Variants in SLC1A1 observed in about 807,000 individuals in gnomAD.
SLC1A1 encodes solute carrier family 1 member 1.
A neutral mutation model predicts 53.3 loss-of-function variants in SLC1A1; 43 were observed. That is an observed-to-expected ratio of 0.81 (90% CI 0.63 to 1.04). The LOEUF (loss-of-function observed/expected upper bound fraction) is 1.04. SLC1A1 is among the 50% of genes least tolerant of loss of function. The pLI, the probability that SLC1A1 is intolerant of heterozygous loss-of-function variation, is 0.00. For missense variants in SLC1A1, 748 were observed against 664.9 expected, an observed-to-expected ratio of 1.12 and a Z score of -1.37; for synonymous variants, 307 against 243.2, an observed-to-expected ratio of 1.26 and a Z score of -2.44.
intron 10 of SLC1A1, among the ~76,000 whole-genome samples, chr9:4,579,387 C>G (rs901911942): frequency 6.6e-6 from 1 of 152,190 alleles, no homozygotes; most frequent in African/African-American, 2.4e-5. Flanking sequence ...AACTGATTTC[C>G]AAGGAGTGGT....
intron 1 of SLC1A1, among the ~76,000 whole-genome samples, chr9:4,506,803 G>A (rs1488276054): frequency 2.0e-5 from 3 of 152,144 alleles, no homozygotes; most frequent in Non-Finnish European, 2.9e-5. Flanking sequence ...CACAGTGTGT[G>A]GAGTATGCAG....
intron 1 of SLC1A1, 145 bp downstream of exon 1, chr9:4,490,915 C>A (rs1322098568): frequency 3.0e-6 from 2 of 664,030 alleles, no homozygotes; most frequent in South Asian, 1.9e-5. Context: ...GGGCCCCCTG[C>A]GGGGGCTTTC....
In SLC1A1 at chr9:4,585,399, G is replaced by C; in HGVS notation, c.1416G>C (p.Gln472His). The change falls in exon 12 of 12, where the codon CAG becomes CAC. Residue 472 changes from glutamine (Q) to histidine (H), a missense_variant. Gln to His is a conservative substitution (Grantham distance 24). Transcript: ENST00000262352. ...VEKLSKKELE[Q>H]MDVSSEVNIV... ...AGCTCTCCAAGAAGGAGCTGGAGCA[G>C]ATGGATGTTTCATCTGAAGTCAACA... 6 of 1,614,244 alleles carry C rather than the reference G, an allele frequency of 3.7e-6. No homozygotes were observed. The highest frequency in any genetic ancestry group is 4.2e-6 in the Non-Finnish European group (5 of 1,180,048).
intron 1 of SLC1A1, among the ~76,000 whole-genome samples, chr9:4,526,768 G>C (rs995854104): frequency 6.6e-6 from 1 of 152,020 alleles, no homozygotes; most frequent in Non-Finnish European, 1.5e-5. Flanking sequence ...TTTTACTCAT[G>C]TGGTTTGGTT....
chr9:4,527,413 C>T (rs1284369352), intron 1 of SLC1A1, among the ~76,000 whole-genome samples: 1 of 152,144 alleles, frequency 6.6e-6, no homozygotes, highest in Non-Finnish European at 1.5e-5. Context: ...AATGCAGTAG[C>T]TCTATCTACC....
intron 1 of SLC1A1, among the ~76,000 whole-genome samples, chr9:4,530,023 G>A (rs895834633): frequency 5.3e-5 from 8 of 152,154 alleles, no homozygotes; most frequent in Non-Finnish European, 2.9e-5. Context: ...TAGGCTGAGA[G>A]AGTAACTTGA....
chr9:4,551,336 T>C (rs1424211298), intron 2 of SLC1A1, among the ~76,000 whole-genome samples: 1 of 152,104 alleles, frequency 6.6e-6, no homozygotes, highest in Non-Finnish European at 1.5e-5. Context: ...TTCAGTTTTA[T>C]TCAGCTAACA....
Position 4,525,225 on chromosome 9 carries a change from A to G in SLC1A1, c.92-19342A>G, listed in dbSNP as rs536881339. Among the ~76,000 whole-genome samples, 80 of 152,326 alleles carry G rather than the reference A, an allele frequency of 5.3e-4. 1 individual carries two copies. The highest frequency in any genetic ancestry group is 1.7e-3 in the African/African-American group (70 of 41,574). ...CCTAGTGACTAAGGAAAACCTTAAG[A>G]AAGTTTGCCATTTGTCCATGGCTAA... On this transcript the variant is annotated intron_variant, in intron 1 of 11. Transcript: ENST00000262352.
intron 6 of SLC1A1, 137 bp downstream of exon 6, chr9:4,567,904 C>T: frequency 1.4e-6 from 1 of 714,288 alleles, no homozygotes; most frequent in Non-Finnish European, 2.6e-6. Context: ...TATGTGTGAC[C>T]CCAAAATCCA....
At chr9:4,492,295 G>A (rs1246006518) in intron 1 of SLC1A1, among the ~76,000 whole-genome samples, 1 of 152,042 alleles carries the variant, frequency 6.6e-6, no homozygotes, top group Non-Finnish European at 1.5e-5. Context: ...GATAAGAGTC[G>A]AGGATTAATT....
rs777465224 is a variant in SLC1A1, at chr9:4,586,664, C to A, written c.*1106C>A. On this transcript the variant is annotated 3_prime_UTR_variant, in exon 12 of 12. Transcript: ENST00000262352. The stretch of plus-strand genomic sequence containing the variant: ...TTTGCCATCCTTGCACTTCTGTTAT[C>A]AGGGCCCAAATAACAGTGGCAAGCT... 6.6e-6 allele frequency: 1 copy of A among 152,194 alleles called. No individual in the cohort carries two copies. The highest frequency in any genetic ancestry group is 1.5e-5 in the Non-Finnish European group (1 of 68,030). 9.4% of individuals were successfully genotyped at this position (152,194 alleles called of 1,614,324 possible). A position where few individuals can be genotyped will look rare whatever the true frequency, so the allele number is the denominator to read the frequency against.
intron 1 of SLC1A1, among the ~76,000 whole-genome samples, chr9:4,532,218 C>T (rs565478909): frequency 8.5e-5 from 13 of 152,212 alleles, no homozygotes; most frequent in East Asian, 3.9e-4. Flanking sequence ...ATGAGAATGA[C>T]GTTGACGAGT....
intron 1 of SLC1A1, among the ~76,000 whole-genome samples, chr9:4,516,608 C>T (rs769870298): frequency 6.6e-6 from 1 of 152,212 alleles, no homozygotes; most frequent in Non-Finnish European, 1.5e-5. Flanking sequence ...ACTTTCCTGC[C>T]TATAAACAGC....
rs1164531395 is a variant in SLC1A1 at position 4,572,272 on chromosome 9, C to G, written c.651C>G (p.Val217=). The change falls in exon 7 of 12, where the codon GTC becomes GTG. Residue 217 remains valine, a synonymous_variant. Coordinates refer to ENST00000262352, the MANE Select transcript of SLC1A1 (RefSeq NM_004170.6). ...SDGINVLGLI[V]FCLVFGLVIG... ...GCATAAACGTCCTGGGCTTGATTGTCTTTTGCCTTGTCTTTGGACTTGTCA... is the reference window on the plus strand; with the variant it reads ...GCATAAACGTCCTGGGCTTGATTGTGTTTTGCCTTGTCTTTGGACTTGTCA... 1.9e-6 allele frequency: 3 copies of G among 1,614,058 alleles called. No individual in the cohort carries two copies. Among genetic ancestry groups the G allele is most frequent in the Admixed American group, 3.3e-5 (2 of 60,016 alleles).
intron 1 of SLC1A1, among the ~76,000 whole-genome samples, chr9:4,536,791 G>C (rs147168566): frequency 0.024 from 3,667 of 152,110 alleles, 153 homozygotes; most frequent in African/African-American, 0.085. Flanking sequence ...TTGCAACCAA[G>C]CCAAATGTCC....
intron 1 of SLC1A1, among the ~76,000 whole-genome samples, chr9:4,492,377 G>C (rs1266586096): frequency 6.6e-6 from 1 of 151,810 alleles, no homozygotes; most frequent in Non-Finnish European, 1.5e-5. Flanking sequence ...AGTTACTCGG[G>C]AGGCTGAGGC....
intron 1 of SLC1A1, among the ~76,000 whole-genome samples, chr9:4,523,368 A>G (rs1162385809): frequency 6.6e-6 from 1 of 151,428 alleles, no homozygotes; most frequent in East Asian, 1.9e-4. Flanking sequence ...TTTTTTCCAC[A>G]TGCCATTTGT....
In SLC1A1 at chr9:4,493,666, G is replaced by A. The variant is rs78564195; in HGVS notation, c.91+2896G>A. Among the ~76,000 whole-genome samples the A allele has an allele frequency of 7.6e-3, 1,154 of 152,314 alleles. 11 individuals carry two copies. The highest frequency in any genetic ancestry group is 0.043 in the South Asian group (205 of 4,820). On this transcript the variant is annotated intron_variant, in intron 1 of 11. Coordinates refer to ENST00000262352, the MANE Select transcript of SLC1A1 (RefSeq NM_004170.6). Reference sequence around the variant, plus strand: ...ACTTGTAATCCTAGGACTTTGGAAGGCCAAGGTAGGAGGAATGAGTGAGTT... The same window carrying A: ...ACTTGTAATCCTAGGACTTTGGAAGACCAAGGTAGGAGGAATGAGTGAGTT...
intron 3 of SLC1A1, among the ~76,000 whole-genome samples, chr9:4,562,418 G>A (rs960884533): frequency 3.3e-5 from 5 of 152,156 alleles, no homozygotes; most frequent in South Asian, 2.1e-4. Flanking sequence ...TAATAGTGGA[G>A]TTGAGTATAA....
Sources: gnomAD v4.1 joint callset for allele counts (sites outside exome capture counted in the v4.1 genomes callset) on GRCh38, gnomAD v4.1.1 for gene constraint, MANE v1.5 for transcripts, NCBI Gene and HGNC (gene_info 2026-07-23, HGNC 2026-07-21) for gene names.